The following CNIH3 variants were observed in gnomAD, a reference collection of about 807,000 sequenced individuals.
CNIH3 encodes cornichon family AMPA receptor auxiliary protein 3.
Under a neutral mutation model 24.1 loss-of-function variants are expected in CNIH3, and 14 were observed. That is an observed-to-expected ratio of 0.58 (90% CI 0.38 to 0.91). The LOEUF is 0.91. Ranked by LOEUF, CNIH3 falls within the 40% of genes least tolerant of loss-of-function variation. The pLI, the probability that CNIH3 is intolerant of heterozygous loss-of-function variation, is 0.00. For synonymous variants in CNIH3, 68 were observed against 73.8 expected, an observed-to-expected ratio of 0.92 and a Z score of 0.40; for missense variants, 178 against 196.8, an observed-to-expected ratio of 0.90 and a Z score of 0.57.
chr1:224,670,076 C>T (rs1685789958), intron 1 of CNIH3, among the ~76,000 whole-genome samples: 1 of 152,156 alleles, frequency 6.6e-6, no homozygotes. Flanking sequence ...ATAAGGAAGC[C>T]ATGACCTGGA....
intron 4 of CNIH3, among the ~76,000 whole-genome samples, chr1:224,580,646 G>A (rs1472040675): frequency 1.3e-5 from 2 of 152,054 alleles, no homozygotes; most frequent in Admixed American, 6.6e-5. Context: ...GGCTAACATG[G>A]TGAAACCTTG....
chr1:224,633,349 G>A (rs926087536), intron 1 of CNIH3, among the ~76,000 whole-genome samples: 1 of 152,042 alleles, frequency 6.6e-6, no homozygotes, highest in African/African-American at 2.4e-5. Flanking sequence ...TGTAGAGATG[G>A]GGTTTTGCCA....
chr1:224,444,588 T>G (rs1363367222), intron 1 of CNIH3, among the ~76,000 whole-genome samples: 1 of 152,052 alleles, frequency 6.6e-6, no homozygotes, highest in East Asian at 1.9e-4. Context: ...GACCGTGTGA[T>G]CCACCCTCCT....
At chr1:224,605,325 G>A (rs1416020550) in intron 3 of CNIH3, among the ~76,000 whole-genome samples, 4 of 152,220 alleles carry the variant, frequency 2.6e-5, no homozygotes, top group Non-Finnish European at 5.9e-5. Flanking sequence ...CTTTGCAAAA[G>A]TATGACAGTA....
chr1:224,703,238 C>G lies in CNIH3; in HGVS notation c.198+18395C>G, dbSNP rs1572758438. Among the ~76,000 whole-genome samples the G allele has an allele frequency of 6.6e-6, 1 of 152,278 alleles. No individual in the cohort carries two copies. The highest frequency in any genetic ancestry group is 1.5e-5 in the Non-Finnish European group (1 of 68,026). On this transcript the variant is annotated intron_variant, in intron 3 of 5. Coordinates refer to ENST00000272133, the MANE Select transcript of CNIH3 (RefSeq NM_152495.2). This position sits in a 1 kb window ranked among gnomAD's most constrained non-coding sequence, Gnocchi z 4.2. ...TCTGTGCATCCCACGTGGGCCTGCA[C>G]TCATGAGGGCAGAGGGCTGGCCAAG...
At chr1:224,595,273 T>G (rs912462727) in intron 3 of CNIH3, among the ~76,000 whole-genome samples, 1 of 152,204 alleles carries the variant, frequency 6.6e-6, no homozygotes, top group Non-Finnish European at 1.5e-5. Context: ...CTCAAACTCA[T>G]GGGCTCAAGT....
chr1:224,487,697 G>A (rs562808599), intron 1 of CNIH3, among the ~76,000 whole-genome samples: 2 of 152,198 alleles, frequency 1.3e-5, no homozygotes, highest in Non-Finnish European at 2.9e-5. Flanking sequence ...TGAGAAAAGC[G>A]CTATTTGAAG....
At chr1:224,712,159 C>A (rs151315648) in intron 3 of CNIH3, among the ~76,000 whole-genome samples, 1 of 152,230 alleles carries the variant, frequency 6.6e-6, no homozygotes, top group Non-Finnish European at 1.5e-5. Flanking sequence ...TGTTAATGAC[C>A]ATTTCAGCTG....
intron 1 of CNIH3, among the ~76,000 whole-genome samples, chr1:224,669,453 C>T (rs1685756204): frequency 6.6e-6 from 1 of 152,188 alleles, no homozygotes; most frequent in African/African-American, 2.4e-5. Flanking sequence ...CATGTTTCCA[C>T]CTGTAACAGG....
rs1348185092 is a variant in CNIH3 at position 224,681,002 on chromosome 1, A to G, written c.126A>G (p.Ile42Met). ...TAAGGACAGATTTTAAGAGCCCCAT[A>G]GACCAGTGCAATCCTGTTCATGCGG... Reference protein sequence around the residue: ...DELRTDFKSPIDQCNPVHARE... With the variant: ...DELRTDFKSPMDQCNPVHARE... Residue 42 changes from isoleucine to methionine, a missense_variant, in exon 2 of 6, where the codon ATA (isoleucine) becomes ATG (methionine). Coordinates refer to ENST00000272133, the MANE Select transcript of CNIH3 (RefSeq NM_152495.2). 6.2e-7 allele frequency: 1 copy of G among 1,614,116 alleles called. No homozygotes were observed.
In CNIH3 at chr1:224,739,832, C is replaced by G. The variant is rs190396592; in HGVS notation, c.*476C>G. ...AAGCCTCGAGAATGTCTTGGCTGCC[C>G]AAGACTCTTGTTGCCTTTCTTCCAA... On this transcript the variant is annotated 3_prime_UTR_variant, in exon 6 of 6. Coordinates refer to ENST00000272133, the MANE Select transcript of CNIH3 (RefSeq NM_152495.2). The G allele has an allele frequency of 2.8e-3, 440 of 158,034 alleles. 1 individual carries two copies. Among genetic ancestry groups the G allele is most frequent in the Non-Finnish European group, 4.7e-3 (343 of 72,456 alleles). 9.8% of individuals were successfully genotyped at this position (158,034 alleles called of 1,614,324 possible).
intron 4 of CNIH3, among the ~76,000 whole-genome samples, chr1:224,569,504 C>T (rs1485949323): frequency 6.6e-6 from 1 of 152,046 alleles, no homozygotes. Flanking sequence ...TGTATGAGTC[C>T]CTTTGTGCAC....
chr1:224,573,764 C>T (rs1680919107), intron 4 of CNIH3, among the ~76,000 whole-genome samples: 1 of 152,110 alleles, frequency 6.6e-6, no homozygotes, highest in Admixed American at 6.5e-5. Context: ...AGTCTCCCTA[C>T]CTTTTCCCAG....
intron 1 of CNIH3, among the ~76,000 whole-genome samples, chr1:224,501,521 A>ATT (rs1336725555): frequency 4.1e-5 from 4 of 96,500 alleles, no homozygotes; most frequent in African/African-American, 1.3e-4. Flanking sequence ...ATATATATAT[A>ATT]TATATTTTTT....
chr1:224,632,537 C>T (rs905707982), intron 1 of CNIH3, among the ~76,000 whole-genome samples: 1 of 151,912 alleles, frequency 6.6e-6, no homozygotes, highest in Non-Finnish European at 1.5e-5. Flanking sequence ...GTGGTCATGT[C>T]ACAAGAGGAT....
At chr1:224,499,617 G>T (rs1361683085) in intron 1 of CNIH3, among the ~76,000 whole-genome samples, 1 of 152,228 alleles carries the variant, frequency 6.6e-6, no homozygotes, top group Non-Finnish European at 1.5e-5. Context: ...GGCAAGGAAA[G>T]CCTTTCATGA....
intron 1 of CNIH3, among the ~76,000 whole-genome samples, chr1:224,631,736 G>A (rs1197418113): frequency 2.0e-5 from 3 of 152,124 alleles, no homozygotes; most frequent in Non-Finnish European, 4.4e-5. Flanking sequence ...CTGGTTTTGT[G>A]TTCGCATGGT....
chr1:224,706,643 A>T (rs1320734182), intron 3 of CNIH3, among the ~76,000 whole-genome samples: 1 of 152,116 alleles, frequency 6.6e-6, no homozygotes, highest in African/African-American at 2.4e-5. Context: ...TGTCTCTTTA[A>T]TGGAAAAGCT....
At chr1:224,562,260 T>C (rs539387089) in intron 3 of CNIH3, among the ~76,000 whole-genome samples, 1 of 152,286 alleles carries the variant, frequency 6.6e-6, no homozygotes, top group African/African-American at 2.4e-5. Flanking sequence ...TGACTCTCCT[T>C]TCCTGGGGTC....
Sources: allele counts gnomAD v4.1 joint callset (sites outside exome capture counted in the v4.1 genomes callset), GRCh38; gene constraint gnomAD v4.1.1; non-coding constraint Gnocchi (gnomAD v3.1); transcripts MANE v1.5; gene names NCBI Gene and HGNC (gene_info 2026-07-23, HGNC 2026-07-21).